Variants in CEP192 observed in about 807,000 individuals in gnomAD.
CEP192 encodes the protein centrosomal protein of 192 kDa.
In CEP192, 151 loss-of-function variants were observed where a neutral mutation model predicts 271.8. The ratio of observed to expected loss-of-function variants is 0.56; its 90% CI spans 0.49 to 0.64. The LOEUF (loss-of-function observed/expected upper bound fraction) is 0.64, where lower values mean the gene tolerates loss of function less well. Ranked by LOEUF, CEP192 falls within the 30% of genes least tolerant of loss-of-function variation. The pLI, the probability that CEP192 is intolerant of heterozygous loss-of-function variation, is 0.00. For missense variants in CEP192, 2,910 were observed against 3,020.5 expected (o/e 0.96, Z 0.86); for synonymous variants, 995 against 1,076.5 (o/e 0.92, Z 1.48).
At chr18:13,104,195 T>G (rs2039846082) in intron 39 of CEP192, among the ~76,000 whole-genome samples, 1 of 152,216 alleles carries the variant, frequency 6.6e-6, no homozygotes, top group Non-Finnish European at 1.5e-5. Flanking sequence ...AAAATTGTAT[T>G]TCTGAGCATT....
At chr18:13,055,107 G>T (rs1174623027) in intron 18 of CEP192, among the ~76,000 whole-genome samples, 1 of 151,924 alleles carries the variant, frequency 6.6e-6, no homozygotes, top group Non-Finnish European at 1.5e-5. Context: ...GTGAAACCCT[G>T]TCTCTACTAA....
At position 13,081,614 on chromosome 18, in the gene CEP192, G is replaced by GT. The variant is rs199731266; in HGVS notation, c.5617-5396dup. Among the ~76,000 whole-genome samples the GT allele has an allele frequency of 3.0e-3, 456 of 152,164 alleles. 6 individuals are homozygous for GT. The East Asian group carries it at 0.037, about 12-fold the overall frequency. The stretch of plus-strand genomic sequence containing the variant: ...CCTGGATTCATTGATTTTTTTGAAG[G>GT]TTTTTTTGTGTCTCTATCTCCTTCA... On this transcript the variant is annotated intron_variant, in intron 30 of 44. Coordinates refer to ENST00000506447, the MANE Select transcript of CEP192 (RefSeq NM_032142.4).
intron 39 of CEP192, 49 bp downstream of exon 39, chr18:13,103,637 T>C (rs1420621742): frequency 7.3e-7 from 1 of 1,370,556 alleles, no homozygotes; most frequent in Admixed American, 1.7e-5. Flanking sequence ...TTAGACTTTA[T>C]CCAGGATGTT....
chr18:13,111,988 G>A (rs2040230497), intron 40 of CEP192, among the ~76,000 whole-genome samples: 1 of 152,242 alleles, frequency 6.6e-6, no homozygotes, highest in African/African-American at 2.4e-5. Context: ...GTGTTGGTGA[G>A]GATGTGGGGA....
At chr18:13,008,350 A>AT (rs2034109557) in intron 3 of CEP192, 106 bp from the exon 4 acceptor site, 3 of 766,850 alleles carry the variant, frequency 3.9e-6, no homozygotes, top group East Asian at 5.4e-5. Flanking sequence ...TATTGCTTCC[A>AT]TTTTTTCTTT....
chr18:13,000,091 C>CTTTTTTTTTT (rs775544715), intron 2 of CEP192, among the ~76,000 whole-genome samples: 5 of 76,752 alleles, frequency 6.5e-5, no homozygotes, highest in Admixed American at 1.8e-4. Flanking sequence ...TGTCTTCTCT[C>CTTTTTTTTTT]TTTTTTTTTT....
Position 13,089,506 on chromosome 18 carries a change from G to A in CEP192, c.6044G>A (p.Ser2015Asn), listed in dbSNP as rs2039046024. 1.9e-6 allele frequency: 3 copies of A among 1,607,542 alleles called. No homozygotes were observed. Among genetic ancestry groups the A allele is most frequent in the Non-Finnish European group, 2.5e-6 (3 of 1,176,656 alleles). ...ATAAAACAGATACTTCCAGAACATA[G>A]TGTGCTTCAAAACATTAATTTTGTT... ...EMIKQILPEHSVLQNINFVEA... is the reference protein window; with the variant it reads ...EMIKQILPEHNVLQNINFVEA... The change falls in exon 33 of 45, where the codon AGT (serine) becomes AAT (asparagine). Residue 2015 changes from serine (S) to asparagine (N), a missense_variant. Coordinates refer to ENST00000506447, the MANE Select transcript of CEP192 (RefSeq NM_032142.4).
chr18:13,010,641 G>A (rs2034287372), intron 4 of CEP192, among the ~76,000 whole-genome samples: 1 of 152,184 alleles, frequency 6.6e-6, no homozygotes, highest in Admixed American at 6.5e-5. Flanking sequence ...GAGTCTGGGA[G>A]TTCAAGACCA....
intron 18 of CEP192, among the ~76,000 whole-genome samples, chr18:13,053,932 T>TC (rs1490783645): frequency 6.6e-6 from 1 of 152,204 alleles, no homozygotes; most frequent in African/African-American, 2.4e-5. Flanking sequence ...GCTCAGGTGT[T>TC]CCTTCTGCCT....
At position 13,096,259 on chromosome 18, in the gene CEP192, C is replaced by G; in HGVS notation, c.6509C>G (p.Pro2170Arg). 1 of 1,614,112 alleles carries G rather than the reference C, an allele frequency of 6.2e-7. No homozygotes were observed. The highest frequency in any genetic ancestry group is 8.5e-7 in the Non-Finnish European group (1 of 1,179,954). The change falls in exon 36 of 45, where the codon CCA becomes CGA. Residue 2170 changes from proline (P) to arginine (R), a missense_variant. Transcript: ENST00000506447. ...VRLLRFELCW[P>R]AHCLTVTPQH... Reference sequence around the variant, plus strand: ...TTACTGAGATTTGAGCTGTGCTGGCCAGCGCATTGCCTCACAGTCACGCCG... The same window carrying G: ...TTACTGAGATTTGAGCTGTGCTGGCGAGCGCATTGCCTCACAGTCACGCCG...
intron 40 of CEP192, among the ~76,000 whole-genome samples, chr18:13,111,495 A>G (rs969931078): frequency 1.3e-5 from 2 of 152,246 alleles, no homozygotes; most frequent in Non-Finnish European, 2.9e-5. Flanking sequence ...AAAATCAACC[A>G]TAGACCATAA....
chr18:13,023,394 T>C (rs941863061), intron 9 of CEP192, among the ~76,000 whole-genome samples: 1 of 152,090 alleles, frequency 6.6e-6, no homozygotes, highest in South Asian at 2.1e-4. Context: ...TTTTAACTTA[T>C]TTTATTTTTA....
intron 40 of CEP192, among the ~76,000 whole-genome samples, chr18:13,106,951 TTCTG>T (rs777413056): frequency 1.3e-5 from 2 of 152,262 alleles, no homozygotes; most frequent in Non-Finnish European, 2.9e-5. Flanking sequence ...TTTGGATCTT[TTCTG>T]TCTGTCACTG....
intron 9 of CEP192, among the ~76,000 whole-genome samples, chr18:13,028,795 C>T (rs542782812): frequency 6.6e-6 from 1 of 152,330 alleles, no homozygotes; most frequent in South Asian, 2.1e-4. Context: ...GCTGGGATTA[C>T]AGGTGTGAGC....
intron 11 of CEP192, among the ~76,000 whole-genome samples, chr18:13,036,061 G>A (rs1414792479): frequency 1.3e-5 from 2 of 151,942 alleles, no homozygotes; most frequent in African/African-American, 2.4e-5. Context: ...CAGGAGAATC[G>A]CTTGAGCCCA....
chr18:13,114,496 T>A (rs2040346306), intron 42 of CEP192, among the ~76,000 whole-genome samples: 1 of 152,220 alleles, frequency 6.6e-6, no homozygotes, highest in Non-Finnish European at 1.5e-5. Flanking sequence ...TATGTATGTA[T>A]ATATTCTTTG....
At chr18:13,007,257 C>A (rs1447290487) in intron 3 of CEP192, among the ~76,000 whole-genome samples, 2 of 152,176 alleles carry the variant, frequency 1.3e-5, no homozygotes, top group Non-Finnish European at 2.9e-5. Flanking sequence ...TTTTATTGGA[C>A]ACTTGGAAGT....
rs1377527489 is a variant in CEP192 at position 13,008,542 on chromosome 18, C to T, written c.377C>T (p.Ala126Val). 4.5e-6 allele frequency: 7 copies of T among 1,551,348 alleles called. No individual in the cohort carries two copies. The South Asian group carries it at 8.3e-5, about 18-fold the overall frequency. ...CAGTCAGCTTTACAAATGGAGACAG[C>T]AGGACCAGAAGAGGAGCCAGCCGGA... is the stretch of plus-strand genomic sequence containing the variant. Reference protein sequence around the residue: ...SKQSALQMETAGPEEEPAGAT... With the variant: ...SKQSALQMETVGPEEEPAGAT... Residue 126 changes from alanine to valine, a missense_variant, in exon 4 of 45, where the codon GCA becomes GTA. Physicochemically the swap from Ala to Val is moderately conservative, Grantham distance 64. Coordinates refer to ENST00000506447, the MANE Select transcript of CEP192 (RefSeq NM_032142.4).
chr18:13,077,313 A>G (rs1300215265), intron 30 of CEP192, among the ~76,000 whole-genome samples: 1 of 152,180 alleles, frequency 6.6e-6, no homozygotes, highest in African/African-American at 2.4e-5. Context: ...TTTGAGTGCC[A>G]ACATGATGCT....
Sources: gnomAD v4.1 joint callset for allele counts (sites outside exome capture counted in the v4.1 genomes callset) on GRCh38, gnomAD v4.1.1 for gene constraint, MANE v1.5 for transcripts, NCBI Gene and HGNC (gene_info 2026-07-23, HGNC 2026-07-21) for gene names.